The following SAMD12 variants were observed in gnomAD, a reference collection of about 807,000 sequenced individuals.
SAMD12 encodes sterile alpha motif domain containing 12.
Under a neutral mutation model 15.0 loss-of-function variants are expected in SAMD12, and 9 were observed. The observed-to-expected ratio is 0.60, with a 90% CI of 0.36 to 1.05. SAMD12 has a LOEUF of 1.05. Among genes scored for constraint, SAMD12 ranks in the 50% least tolerant of loss-of-function variants. The pLI, the probability that SAMD12 is intolerant of heterozygous loss-of-function variation, is 0.01. For synonymous variants in SAMD12, 86 were observed against 90.1 expected (o/e 0.96, Z 0.25); for missense variants, 230 against 234.2 (o/e 0.98, Z 0.12).
chr8:118,218,561 T>A (rs1330500855), intron 4 of SAMD12, among the ~76,000 whole-genome samples: 1 of 118,334 alleles, frequency 8.5e-6, no homozygotes, highest in Non-Finnish European at 1.6e-5. Flanking sequence ...GCAACCACCA[T>A]TCTACTCTCT....
the SAMD12 span, among the ~76,000 whole-genome samples, chr8:118,157,030 A>C: frequency 1.1e-4 from 17 of 152,210 alleles, no homozygotes; most frequent in Non-Finnish European, 2.2e-4. Flanking sequence ...AATACACAGC[A>C]ATACTGGGTT....
At chr8:118,462,500 A>T (rs925911628) in intron 2 of SAMD12, among the ~76,000 whole-genome samples, 2 of 152,190 alleles carry the variant, frequency 1.3e-5, no homozygotes, top group African/African-American at 4.8e-5. Flanking sequence ...GCAACCATGG[A>T]TCATTAAAAA....
exon 5 of SAMD12, chr8:118,190,041 C>T (rs938191250): frequency 6.6e-6 from 1 of 151,274 alleles, no homozygotes; most frequent in Non-Finnish European, 1.5e-5. Flanking sequence ...CTTGGAAGAC[C>T]AACAGAATTA....
intron 4 of SAMD12, among the ~76,000 whole-genome samples, chr8:118,216,436 C>A (rs545391212): frequency 5.9e-5 from 9 of 151,920 alleles, no homozygotes; most frequent in African/African-American, 2.2e-4. Flanking sequence ...ATGGTAGTTT[C>A]TTTTGCTGTG....
At chr8:118,588,575 G>A (rs1827506541) in intron 1 of SAMD12, among the ~76,000 whole-genome samples, 1 of 152,218 alleles carries the variant, frequency 6.6e-6, no homozygotes, top group South Asian at 2.1e-4. Context: ...TAGTGTTCAT[G>A]TCTGCTTTTG....
intron 4 of SAMD12, among the ~76,000 whole-genome samples, chr8:118,346,620 G>A (rs915736877): frequency 2.6e-5 from 4 of 152,218 alleles, no homozygotes; most frequent in East Asian, 3.9e-4. Flanking sequence ...TGTGACAGGG[G>A]GTCTCTAAGA....
At chr8:118,370,243 C>T (rs186088587) in intron 4 of SAMD12, among the ~76,000 whole-genome samples, 16 of 152,268 alleles carry the variant, frequency 1.1e-4, no homozygotes, top group African/African-American at 3.9e-4. Context: ...GATACCATCT[C>T]ACGCCAGTCC....
intron 4 of SAMD12, among the ~76,000 whole-genome samples, chr8:118,354,784 G>A (rs1304486999): frequency 6.6e-6 from 1 of 152,168 alleles, no homozygotes; most frequent in Non-Finnish European, 1.5e-5. Context: ...TTAAATCACA[G>A]ATATCCTTGT....
At chr8:118,278,068 T>C (rs1396075819) in intron 4 of SAMD12, among the ~76,000 whole-genome samples, 1 of 152,222 alleles carries the variant, frequency 6.6e-6, no homozygotes, top group Non-Finnish European at 1.5e-5. Flanking sequence ...ATAACACAAA[T>C]GCTTTCAAAG....
chr8:118,600,626 C>T (rs193026815), intron 1 of SAMD12, among the ~76,000 whole-genome samples: 158 of 152,280 alleles, frequency 1.0e-3, no homozygotes, highest in African/African-American at 3.8e-3. Context: ...ATTTCTCTCT[C>T]AGCCTTGAGA....
intron 2 of SAMD12, among the ~76,000 whole-genome samples, chr8:118,528,086 G>C (rs567732424): frequency 9.8e-4 from 149 of 152,230 alleles, no homozygotes; most frequent in Non-Finnish European, 2.0e-3. Flanking sequence ...GAATGCAGTG[G>C]CATGATCTCA....
intron 2 of SAMD12, among the ~76,000 whole-genome samples, chr8:118,480,270 G>T (rs1824088742): frequency 6.6e-6 from 1 of 152,166 alleles, no homozygotes; most frequent in Admixed American, 6.6e-5. Context: ...TACAGGAAGA[G>T]AAGCAATCCT....
intron 2 of SAMD12, among the ~76,000 whole-genome samples, chr8:118,553,819 C>T (rs1434514172): frequency 1.3e-5 from 2 of 148,980 alleles, no homozygotes; most frequent in African/African-American, 2.5e-5. Flanking sequence ...CTACAATGAA[C>T]TCAAACAAAT....
chr8:118,407,058 A>T (rs969614596), intron 3 of SAMD12, among the ~76,000 whole-genome samples: 1 of 152,126 alleles, frequency 6.6e-6, no homozygotes, highest in Non-Finnish European at 1.5e-5. Flanking sequence ...AAGTAACAAA[A>T]AACCACTTGT....
intron 1 of SAMD12, among the ~76,000 whole-genome samples, chr8:118,604,050 A>T (rs1827930309): frequency 6.6e-6 from 1 of 152,216 alleles, no homozygotes; most frequent in East Asian, 1.9e-4. Flanking sequence ...CCTGGCATAT[A>T]GTACTTCATA....
At chr8:118,242,875 T>C (rs1183758350) in intron 4 of SAMD12, among the ~76,000 whole-genome samples, 4 of 152,260 alleles carry the variant, frequency 2.6e-5, no homozygotes, top group East Asian at 3.9e-4. Flanking sequence ...ATCCATCAGA[T>C]TGGCCAAAAT....
At chr8:118,464,732 T>TA (rs1823538381) in intron 2 of SAMD12, among the ~76,000 whole-genome samples, 1 of 152,144 alleles carries the variant, frequency 6.6e-6, no homozygotes. Flanking sequence ...CTTTTTTTTT[T>TA]ATAGAGACTA....
chr8:118,163,589 G>A, the SAMD12 span, among the ~76,000 whole-genome samples: 2 of 152,192 alleles, frequency 1.3e-5, no homozygotes, highest in Non-Finnish European at 2.9e-5. Flanking sequence ...AACCTGGGGA[G>A]CTTCAGCCGG....
chr8:118,226,849 T>C (rs1812200122), intron 4 of SAMD12, among the ~76,000 whole-genome samples: 1 of 152,054 alleles, frequency 6.6e-6, no homozygotes, highest in Non-Finnish European at 1.5e-5. Context: ...TGGAAGAACA[T>C]GGTAGCTTTG....
Sources: allele counts gnomAD v4.1 joint callset (sites outside exome capture counted in the v4.1 genomes callset), GRCh38; gene constraint gnomAD v4.1.1; transcripts MANE v1.5; gene names NCBI Gene and HGNC (gene_info 2026-07-23, HGNC 2026-07-21).